The following CACNA2D1 variants were observed in gnomAD, a reference collection of about 807,000 sequenced individuals.
CACNA2D1 encodes the protein calcium voltage-gated channel auxiliary subunit alpha2delta 1.
A neutral mutation model predicts 171.5 loss-of-function variants in CACNA2D1; 53 were observed. That is an observed-to-expected ratio of 0.31 (90% CI 0.25 to 0.39). CACNA2D1 has a LOEUF of 0.39. Ranked by LOEUF, CACNA2D1 falls within the 10% of genes least tolerant of loss-of-function variation. The probability of loss-of-function intolerance (pLI) is 1.00; values close to 1 mark genes in which losing one functional copy is unlikely to be tolerated. For synonymous variants in CACNA2D1, 442 were observed against 443.1 expected (o/e 1.00, Z 0.03); for missense variants, 903 against 1,299.8 (o/e 0.69, Z 4.69).
chr7:82,437,486 A>G (rs1830193742), intron 1 of CACNA2D1, among the ~76,000 whole-genome samples: 1 of 152,104 alleles, frequency 6.6e-6, no homozygotes, highest in Non-Finnish European at 1.5e-5. Context: ...TAATTTTTTA[A>G]ATCCACAGAG....
At chr7:82,063,482 T>C (rs1189026006) in intron 9 of CACNA2D1, among the ~76,000 whole-genome samples, 2 of 152,126 alleles carry the variant, frequency 1.3e-5, no homozygotes, top group East Asian at 3.9e-4. Context: ...TGGGGAAAAT[T>C]CAAATGTTAA....
At chr7:82,365,057 A>G (rs886802814) in intron 1 of CACNA2D1, among the ~76,000 whole-genome samples, 1 of 152,192 alleles carries the variant, frequency 6.6e-6, no homozygotes, top group Admixed American at 6.5e-5. Context: ...GAATTGAAAG[A>G]GATTCAGATA....
intron 24 of CACNA2D1, among the ~76,000 whole-genome samples, chr7:81,981,951 G>C (rs139084387): frequency 6.6e-6 from 1 of 152,008 alleles, no homozygotes; most frequent in South Asian, 2.1e-4. Context: ...TACGTGTATA[G>C]ATACACATAA....
At chr7:82,169,852 A>ATT (rs34323202) in intron 4 of CACNA2D1, among the ~76,000 whole-genome samples, 5 of 149,098 alleles carry the variant, frequency 3.4e-5, no homozygotes, top group Admixed American at 6.7e-5. Context: ...TTATTAAGGA[A>ATT]TTTTTTTTTT....
At chr7:82,346,661 TATATGTTG>T (rs1288184828) in intron 2 of CACNA2D1, among the ~76,000 whole-genome samples, 1 of 152,116 alleles carries the variant, frequency 6.6e-6, no homozygotes, top group Non-Finnish European at 1.5e-5. Context: ...GCATGTATAT[TATATGTTG>T]ACATTTCCTT....
In CACNA2D1 at chr7:81,974,459, T is replaced by C; in HGVS notation, c.2049A>G (p.Pro683=). 6.8e-7 allele frequency: 1 copy of C among 1,470,864 alleles called. No homozygotes were observed. Among genetic ancestry groups the C allele is most frequent in the Non-Finnish European group, 9.5e-7 (1 of 1,051,310 alleles). 91.1% of individuals were successfully genotyped at this position (1,470,864 alleles called of 1,614,324 possible). ...TTTGAATTAATGCATACTTACATGA[T>C]GGGTTGTTTGGAGTTTTTCTATCAA... ...EFIDRKTPNN[P]SCNADLINRV... is the part of the protein sequence containing the mutation. The change falls in exon 25 of 39, where the codon CCA becomes CCG. Residue 683 remains proline (P), a synonymous_variant. Coordinates refer to ENST00000356860, the MANE Select transcript of CACNA2D1 (RefSeq NM_000722.4).
chr7:81,959,447 GAGAGATAACTTATACATCATTA>G, intron 37 of CACNA2D1, 90 bp from the exon 38 acceptor site: 1 of 912,870 alleles, frequency 1.1e-6, no homozygotes. Context: ...AAACATGTGA[GAGAGATAACTTATACATCATTA>G]CTCTCATCCA....
In CACNA2D1 at chr7:81,997,256, C is replaced by G; in HGVS notation, c.1591-6G>C. ...GGCTCCTGAGATTTGGGGTTCTACA[C>G]AGAAAACAATAATAATTAGGTACAT... is the stretch of plus-strand genomic sequence containing the variant. On this transcript the variant is annotated splice_polypyrimidine_tract_variant and splice_region_variant and intron_variant, in intron 18 of 38. Coordinates refer to ENST00000356860, the MANE Select transcript of CACNA2D1 (RefSeq NM_000722.4). The G allele has an allele frequency of 6.4e-7, 1 of 1,557,112 alleles. No homozygotes were observed. The highest frequency in any genetic ancestry group is 8.9e-7 in the Non-Finnish European group (1 of 1,128,492).
chr7:82,013,196 G>A lies in CACNA2D1; in HGVS notation c.1272+265C>T, dbSNP rs567682082. Among the ~76,000 whole-genome samples, 6 of 151,864 alleles carry A rather than the reference G, an allele frequency of 4.0e-5. No homozygotes were observed. In the East Asian group the frequency reaches 1.2e-3, roughly 29 times the overall value. ...CATGAAATGTATTTTTAGAAAATTT[G>A]ATTTTATTTATTTTCTATGATGTTT... is the stretch of plus-strand genomic sequence containing the variant. On this transcript the variant is annotated intron_variant, in intron 14 of 38. Transcript: ENST00000356860.
chr7:82,269,583 A>G (rs146646451), intron 3 of CACNA2D1, among the ~76,000 whole-genome samples: 98 of 152,306 alleles, frequency 6.4e-4, no homozygotes, highest in African/African-American at 1.9e-3. Flanking sequence ...TTGTGCATCT[A>G]CAAGAATTAC....
At chr7:82,261,040 C>T (rs997906046) in intron 3 of CACNA2D1, among the ~76,000 whole-genome samples, 6 of 151,872 alleles carry the variant, frequency 4.0e-5, no homozygotes, top group African/African-American at 1.2e-4. Context: ...CTGCAAGCTC[C>T]GCCTCCTGGG....
chr7:82,172,195 CAT>C (rs945411686), intron 3 of CACNA2D1, among the ~76,000 whole-genome samples: 4 of 151,934 alleles, frequency 2.6e-5, no homozygotes, highest in African/African-American at 9.7e-5. Flanking sequence ...AATTGTACCA[CAT>C]AGAGTAACCA....
intron 3 of CACNA2D1, among the ~76,000 whole-genome samples, chr7:82,214,842 T>C (rs761065584): frequency 6.6e-6 from 1 of 152,218 alleles, no homozygotes; most frequent in Admixed American, 6.5e-5. Flanking sequence ...GTTAAACTAT[T>C]ATGAAGTAAT....
chr7:82,122,461 G>C (rs916983021), intron 5 of CACNA2D1, among the ~76,000 whole-genome samples: 3 of 152,134 alleles, frequency 2.0e-5, no homozygotes, highest in African/African-American at 7.2e-5. Flanking sequence ...CCCATGAATT[G>C]CCTATCACAA....
intron 3 of CACNA2D1, among the ~76,000 whole-genome samples, chr7:82,251,865 C>T (rs1468971543): frequency 1.3e-5 from 2 of 152,098 alleles, no homozygotes; most frequent in Non-Finnish European, 2.9e-5. Flanking sequence ...CTTAGCTTCC[C>T]ATGGGCAACC....
At chr7:82,144,524 A>ATC in intron 4 of CACNA2D1, among the ~76,000 whole-genome samples, 1 of 152,190 alleles carries the variant, frequency 6.6e-6, no homozygotes, top group East Asian at 1.9e-4. Flanking sequence ...AAAAACTCAG[A>ATC]TGTGTTCTGG....
At chr7:82,364,597 C>A (rs538688538) in intron 1 of CACNA2D1, among the ~76,000 whole-genome samples, 2 of 152,254 alleles carry the variant, frequency 1.3e-5, no homozygotes, top group South Asian at 2.1e-4. Flanking sequence ...TAATATGCTT[C>A]TTTTATGTTA....
intron 1 of CACNA2D1, among the ~76,000 whole-genome samples, chr7:82,352,733 G>T (rs551216767): frequency 8.5e-5 from 13 of 152,174 alleles, no homozygotes; most frequent in Non-Finnish European, 8.8e-5. Context: ...GCTTTCTGGA[G>T]TAGCAGCTAC....
intron 30 of CACNA2D1, 122 bp from the exon 31 acceptor site, chr7:81,967,329 T>TC: frequency 2.3e-6 from 2 of 852,758 alleles, no homozygotes; most frequent in Non-Finnish European, 3.8e-6. Flanking sequence ...GATTAAACAG[T>TC]CTAGTCTATA....
Sources: allele counts gnomAD v4.1 joint callset (sites outside exome capture counted in the v4.1 genomes callset), GRCh38; gene constraint gnomAD v4.1.1; transcripts MANE v1.5; gene names NCBI Gene and HGNC (gene_info 2026-07-23, HGNC 2026-07-21).